Variants in C10orf105 observed in about 807,000 individuals in gnomAD.
The protein encoded by C10orf105 is uncharacterized protein C10orf105.
In C10orf105, 2 loss-of-function variants were observed where a neutral mutation model predicts 0.6. The ratio of observed to expected loss-of-function variants is 3.18; its 90% CI spans 1.30 to 10.01. The LOEUF (loss-of-function observed/expected upper bound fraction) is 10.01. Among genes scored for constraint, C10orf105 ranks in the 30% most tolerant of loss-of-function variants. The pLI, the probability that C10orf105 is intolerant of heterozygous loss-of-function variation, is 0.04. For synonymous variants in C10orf105, 95 were observed against 82.4 expected (o/e 1.15, Z -0.83); for missense variants, 209 against 191.4 (o/e 1.09, Z -0.54).
intron 1 of C10orf105, among the ~76,000 whole-genome samples, chr10:71,730,835 A>G (rs916378023): frequency 2.6e-5 from 4 of 152,286 alleles, no homozygotes; most frequent in African/African-American, 7.2e-5. Flanking sequence ...GACAGAGGGG[A>G]GGCCACAAGC....
intron 1 of C10orf105, among the ~76,000 whole-genome samples, chr10:71,734,902 A>T (rs1207032721): frequency 6.6e-6 from 1 of 152,114 alleles, no homozygotes; most frequent in Non-Finnish European, 1.5e-5. Context: ...GGGTGGGGAG[A>T]GTACTAGCAA....
At chr10:71,731,286 A>C (rs543035398) in intron 1 of C10orf105, among the ~76,000 whole-genome samples, 3 of 152,134 alleles carry the variant, frequency 2.0e-5, no homozygotes, top group African/African-American at 7.2e-5. Context: ...CTCATCCTTC[A>C]TGTCAGCTAC....
intron 1 of C10orf105, among the ~76,000 whole-genome samples, chr10:71,733,466 G>T (rs1839457002): frequency 6.6e-6 from 1 of 152,146 alleles, no homozygotes; most frequent in Non-Finnish European, 1.5e-5. Context: ...ATCCTGGCTT[G>T]GTCTTTCTGG....
chr10:71,736,995 C>G (rs1204523943), intron 1 of C10orf105, among the ~76,000 whole-genome samples: 1 of 152,150 alleles, frequency 6.6e-6, no homozygotes, highest in Admixed American at 6.6e-5. Flanking sequence ...ACGGCAAGCA[C>G]AAAAGCCCTG....
intron 1 of C10orf105, chr10:71,730,574 A>G: frequency 6.2e-7 from 1 of 1,613,896 alleles, no homozygotes; most frequent in South Asian, 1.1e-5. Context: ...AACGTCAGTC[A>G]TCGTGGTCCA....
chr10:71,735,306 GC>G (rs1295352696), intron 1 of C10orf105, among the ~76,000 whole-genome samples: 1 of 152,170 alleles, frequency 6.6e-6, no homozygotes, highest in African/African-American at 2.4e-5. Context: ...CTAAGTAAAG[GC>G]AGAGAAGACC....
In C10orf105 at chr10:71,715,842, A is replaced by G; in HGVS notation, c.*94T>C. 7 of 1,274,028 alleles carry G rather than the reference A, an allele frequency of 5.5e-6. No individual in the cohort carries two copies. Among genetic ancestry groups the G allele is most frequent in the Non-Finnish European group, 3.1e-6 (3 of 954,074 alleles). 78.9% of individuals were successfully genotyped at this position (1,274,028 alleles called of 1,614,324 possible). On this transcript the variant is annotated 3_prime_UTR_variant, in exon 2 of 2. Transcript: ENST00000441508. ...GTGTGTGTCCCAGACTGCTTGGGCC[A>G]CTGTCTTCCTGCAGCCTGCAGCACC...
intron 1 of C10orf105, chr10:71,734,409 T>C: frequency 6.6e-7 from 1 of 1,511,640 alleles, no homozygotes; most frequent in Non-Finnish European, 9.0e-7. Context: ...TCCTAACCCA[T>C]GTCCTCGCCA....
In C10orf105 at chr10:71,716,349, C is replaced by T. The variant is rs1256355169; in HGVS notation, c.-5-7G>A. The T allele has an allele frequency of 2.0e-6, 3 of 1,464,286 alleles. No homozygotes were observed. The highest frequency in any genetic ancestry group is 2.6e-5 in the Admixed American group (1 of 38,888). 90.7% of individuals were successfully genotyped at this position (1,464,286 alleles called of 1,614,324 possible). ...CCCTCTGTGCTCATGGCTCCTGCAA[C>T]AGCAACAAGACAGAAGCTCAAAGGC... On this transcript the variant is annotated splice_region_variant and splice_polypyrimidine_tract_variant and intron_variant, in intron 1 of 1. Transcript: ENST00000441508.
At chr10:71,720,601 A>G (rs1866511695), upstream of C10orf105, among the ~76,000 whole-genome samples, 1 of 152,178 alleles carries the variant, frequency 6.6e-6, no homozygotes, top group African/African-American at 2.4e-5. Context: ...GGCCCTGTCC[A>G]AGACCTGAGC....
chr10:71,732,521 G>T lies in C10orf105; in HGVS notation c.-6+5207C>A, dbSNP rs1247953362. 9 of 1,335,064 alleles carry T rather than the reference G, an allele frequency of 6.7e-6. No individual in the cohort carries two copies. In the Admixed American group the frequency reaches 9.0e-5, roughly 13 times the overall value. The allele number at this position is 1,335,064 out of a possible 1,614,324, so 82.7% of individuals were successfully genotyped here. ...GTGTTAGGTACCTGTAGTCCCAGCT[G>T]CTTGAGAGGCTGGGGCAGGAAGATT... On this transcript the variant is annotated intron_variant, in intron 1 of 1. Transcript: ENST00000398786.
At position 71,713,706 on chromosome 10, in the gene C10orf105, C is replaced by A; in HGVS notation, c.*2230G>T. 1 of 182,956 alleles carries A rather than the reference C, an allele frequency of 5.5e-6. No homozygotes were observed. Among genetic ancestry groups the A allele is most frequent in the Non-Finnish European group, 1.2e-5 (1 of 86,064 alleles). The allele number at this position is 182,956 out of a possible 1,614,324, so 11.3% of individuals were successfully genotyped here. ...CTTGTGAGGACTTGGAGCATACCCC[C>A]CTGGCCTGGTGCCTGAAACCCAATT... On this transcript the variant is annotated 3_prime_UTR_variant, in exon 2 of 2. Transcript: ENST00000441508.
In C10orf105 at chr10:71,715,833, G is replaced by C. The variant is rs1280442440; in HGVS notation, c.*103C>G. The C allele has an allele frequency of 1.7e-6, 2 of 1,199,180 alleles. No homozygotes were observed. The highest frequency in any genetic ancestry group is 2.9e-5 in the East Asian group (1 of 34,534). The allele number at this position is 1,199,180 out of a possible 1,614,324, so 74.3% of individuals were successfully genotyped here. ...GGGGGGTGAGTGTGTGTCCCAGACT[G>C]CTTGGGCCACTGTCTTCCTGCAGCC... On this transcript the variant is annotated 3_prime_UTR_variant, in exon 2 of 2. Coordinates refer to ENST00000441508, the MANE Select transcript of C10orf105 (RefSeq NM_001164375.3).
chr10:71,713,190 G>A lies in C10orf105; in HGVS notation c.*2746C>T, dbSNP rs1439847219. ...GCCCAGCAAGGCCCAGAACAGAGCTGCTTTCACAGAGCCCTTGGCCGAGGC... is the reference window on the plus strand; with the variant it reads ...GCCCAGCAAGGCCCAGAACAGAGCTACTTTCACAGAGCCCTTGGCCGAGGC... On this transcript the variant is annotated 3_prime_UTR_variant, in exon 2 of 2. Coordinates refer to ENST00000441508, the MANE Select transcript of C10orf105 (RefSeq NM_001164375.3). The A allele has an allele frequency of 1.3e-6, 1 of 779,360 alleles. No homozygotes were observed. 48.3% of individuals were successfully genotyped at this position (779,360 alleles called of 1,614,324 possible).
In C10orf105 at chr10:71,732,137, C is replaced by T. The variant is rs764761306; in HGVS notation, c.-6+5591G>A. 3 of 1,614,018 alleles carry T rather than the reference C, an allele frequency of 1.9e-6. No homozygotes were observed. The highest frequency in any genetic ancestry group is 1.7e-5 in the Admixed American group (1 of 60,026). ...ATGAATGTGTCGGCCACTGACCAGGCCCCGCCCTTCAACCAGGGCTTCTGC... is the reference window on the plus strand; with the variant it reads ...ATGAATGTGTCGGCCACTGACCAGGTCCCGCCCTTCAACCAGGGCTTCTGC... On this transcript the variant is annotated intron_variant, in intron 1 of 1. Transcript: ENST00000398786.
At chr10:71,726,425 T>C (rs1245228967) in intron 1 of C10orf105, among the ~76,000 whole-genome samples, 1 of 152,070 alleles carries the variant, frequency 6.6e-6, no homozygotes, top group African/African-American at 2.4e-5. Flanking sequence ...ACACGATGGG[T>C]CTGATTGCTC....
In C10orf105 at chr10:71,725,427, G is replaced by T. The variant is rs397517324; in HGVS notation, c.-5-9085C>A. Reference sequence around the variant, plus strand: ...TCAGCAATGGGCTCCTGATGCGAGGGCCCCGGCCCCTGGACCGGGAGCGGA... The same window carrying T: ...TCAGCAATGGGCTCCTGATGCGAGGTCCCCGGCCCCTGGACCGGGAGCGGA... On this transcript the variant is annotated intron_variant, in intron 1 of 1. Coordinates refer to the C10orf105 transcript ENST00000398786. 7 of 1,614,046 alleles carry T rather than the reference G, an allele frequency of 4.3e-6. No individual in the cohort carries two copies. The East Asian group carries it at 1.3e-4, about 31-fold the overall frequency.
intron 1 of C10orf105, among the ~76,000 whole-genome samples, chr10:71,731,300 G>A (rs1434846808): frequency 2.6e-5 from 4 of 152,224 alleles, no homozygotes; most frequent in South Asian, 2.1e-4. Flanking sequence ...CAGCTACTCT[G>A]GTGGCTCCCA....
In C10orf105 at chr10:71,713,290, G is replaced by T. The variant is rs764860341; in HGVS notation, c.*2646C>A. On this transcript the variant is annotated 3_prime_UTR_variant, in exon 2 of 2. Transcript: ENST00000441508. ...AGGGAGCAGGCGCAACAGCTCCAAG[G>T]CTCAGAGGGAGAGAAGGGAGGACCC... 8 of 779,408 alleles carry T rather than the reference G, an allele frequency of 1.0e-5. No homozygotes were observed. Among genetic ancestry groups the T allele is most frequent in the East Asian group, 7.3e-5 (3 of 41,248 alleles). The allele number at this position is 779,408 out of a possible 1,614,324, so 48.3% of individuals were successfully genotyped here.
Sources: gnomAD v4.1 joint callset for allele counts (sites outside exome capture counted in the v4.1 genomes callset) on GRCh38, gnomAD v4.1.1 for gene constraint, MANE v1.5 for transcripts, NCBI Gene and HGNC (gene_info 2026-07-23, HGNC 2026-07-21) for gene names.